Variants in AR observed in about 807,000 individuals in gnomAD.
The protein encoded by AR is dihydrotestosterone receptor.
Under a neutral mutation model 53.9 loss-of-function variants are expected in AR, and 8 were observed. The ratio of observed to expected loss-of-function variants is 0.15; its 90% CI spans 0.09 to 0.27. AR has a LOEUF of 0.27. AR is among the 10% of genes least tolerant of loss of function. The pLI is 1.00. For missense variants in AR, 639 were observed against 742.5 expected (o/e 0.86, Z 1.62); for synonymous variants, 359 against 316.4 (o/e 1.13, Z -1.43).
intron 1 of AR, among the ~76,000 whole-genome samples, chrX:67,642,443 C>A (rs891500691): frequency 1.8e-5 from 2 of 111,694 alleles, no homozygotes; most frequent in African/African-American, 6.5e-5. Flanking sequence ...GAAGTTCTTG[C>A]AGAAAGGCAG....
chrX:67,648,369 G>A (rs1398802522), intron 2 of AR, among the ~76,000 whole-genome samples: 1 of 111,270 alleles, frequency 9.0e-6, no homozygotes, highest in Non-Finnish European at 1.9e-5. Context: ...GAACTTTTCT[G>A]GATGACACAT....
At chrX:67,638,592 T>G (rs1345419197) in intron 1 of AR, among the ~76,000 whole-genome samples, 1 of 112,390 alleles carries the variant, frequency 8.9e-6, no homozygotes, top group East Asian at 2.8e-4. Flanking sequence ...GAGCTTTTTT[T>G]CATGTTTGTT....
chrX:67,707,682 A>T (rs1255079285), intron 3 of AR, among the ~76,000 whole-genome samples: 4 of 111,735 alleles, frequency 3.6e-5, no homozygotes, highest in Non-Finnish European at 5.6e-5. Flanking sequence ...TGATCCTGTC[A>T]TTGTGATGTT....
At chrX:67,550,418 T>C (rs1475996244) in intron 1 of AR, among the ~76,000 whole-genome samples, 2 of 111,103 alleles carry the variant, frequency 1.8e-5, no homozygotes, top group East Asian at 2.8e-4. Flanking sequence ...AAAACAAAAA[T>C]TCTTTGGTCT....
chrX:67,654,527 C>T (rs893962139), intron 2 of AR, among the ~76,000 whole-genome samples: 2 of 110,511 alleles, frequency 1.8e-5, no homozygotes, highest in African/African-American at 3.3e-5. Flanking sequence ...TGTTCATTGC[C>T]TCTCTTGACT....
intron 3 of AR, among the ~76,000 whole-genome samples, chrX:67,703,587 G>A (rs927976864): frequency 1.2e-4 from 13 of 111,455 alleles, no homozygotes; most frequent in African/African-American, 4.2e-4. Context: ...GCCTTTCACC[G>A]CTCTTCTCCC....
chrX:67,562,498 A>G (rs1394058804), intron 1 of AR, among the ~76,000 whole-genome samples: 1 of 111,287 alleles, frequency 9.0e-6, no homozygotes, highest in African/African-American at 3.3e-5. Flanking sequence ...TCATTCCTAC[A>G]TGGTAATGAC....
intron 2 of AR, among the ~76,000 whole-genome samples, chrX:67,676,327 GGA>G (rs2075899666): frequency 8.9e-6 from 1 of 111,862 alleles, no homozygotes; most frequent in Non-Finnish European, 1.9e-5. Flanking sequence ...TTACCTCTTT[GGA>G]GTACCTACCA....
intron 3 of AR, among the ~76,000 whole-genome samples, chrX:67,701,519 C>T (rs975119549): frequency 8.9e-6 from 1 of 111,970 alleles, no homozygotes. Flanking sequence ...TGGCTATGGA[C>T]TGAATTCAAT....
chrX:67,648,548 G>A (rs189761079), intron 2 of AR, among the ~76,000 whole-genome samples: 49 of 111,319 alleles, frequency 4.4e-4, no homozygotes, highest in Non-Finnish European at 7.0e-4. Flanking sequence ...TTAATTCTGG[G>A]CCTCCCCATA....
In AR at chrX:67,560,320, C is replaced by T. The variant is rs1381362954; in HGVS notation, c.1616+13558C>T. On this transcript the variant is annotated intron_variant, in intron 1 of 7. Transcript: ENST00000374690. The stretch of plus-strand genomic sequence containing the variant: ...AGTTCAGATTCTTAACACCTCTTTC[C>T]AGGATTAGTGCAGTGATCCCACGTC... Among the ~76,000 whole-genome samples, 3 of 111,704 alleles carry T rather than the reference C, an allele frequency of 2.7e-5. No individual in the cohort carries two copies. The Admixed American group carries it at 2.8e-4, about 11-fold the overall frequency.
chrX:67,698,215 TC>T (rs1269942624), intron 3 of AR, among the ~76,000 whole-genome samples: 2 of 111,938 alleles, frequency 1.8e-5, no homozygotes, highest in African/African-American at 3.2e-5. Context: ...CACAGTGAGC[TC>T]CCCTGACTCA....
chrX:67,688,701 A>G (rs2075980115), intron 3 of AR, among the ~76,000 whole-genome samples: 1 of 111,668 alleles, frequency 9.0e-6, no homozygotes, highest in South Asian at 3.7e-4. Flanking sequence ...TAAAAACCCA[A>G]TTGTTTACCT....
intron 3 of AR, chrX:67,695,951 C>G (rs374782596): frequency 2.7e-6 from 2 of 753,040 alleles, no homozygotes. Flanking sequence ...ATCTCCAGAC[C>G]AACAAGAAGT....
At chrX:67,664,919 C>A (rs1489486845) in intron 2 of AR, among the ~76,000 whole-genome samples, 1 of 112,841 alleles carries the variant, frequency 8.9e-6, no homozygotes, top group African/African-American at 3.2e-5. Flanking sequence ...CTGAGCCAGG[C>A]ACAGGATATA....
chrX:67,644,595 A>G (rs1360429370), intron 2 of AR, among the ~76,000 whole-genome samples: 1 of 112,040 alleles, frequency 8.9e-6, no homozygotes, highest in Non-Finnish European at 1.9e-5. Flanking sequence ...GCATCTAGAG[A>G]AAAGGTAGAA....
chrX:67,639,628 T>C (rs185316509), intron 1 of AR, among the ~76,000 whole-genome samples: 1 of 111,840 alleles, frequency 8.9e-6, no homozygotes, highest in East Asian at 2.8e-4. Context: ...TTGTCTGTTA[T>C]TGGTGTATAG....
chrX:67,647,460 G>A (rs1926110245), intron 2 of AR, among the ~76,000 whole-genome samples: 1 of 111,584 alleles, frequency 9.0e-6, no homozygotes, highest in Admixed American at 9.6e-5. Flanking sequence ...CTCTAGTTTG[G>A]AGTCTAGCAG....
chrX:67,618,359 G>A (rs1454362271), intron 1 of AR, among the ~76,000 whole-genome samples: 1 of 111,446 alleles, frequency 9.0e-6, no homozygotes, highest in Non-Finnish European at 1.9e-5. Flanking sequence ...TCTTAATTTA[G>A]GATTCAAAAG....
Sources: allele counts gnomAD v4.1 joint callset (sites outside exome capture counted in the v4.1 genomes callset), GRCh38; gene constraint gnomAD v4.1.1; transcripts MANE v1.5; gene names NCBI Gene and HGNC (gene_info 2026-07-23, HGNC 2026-07-21).